TIAM2: variants seen among roughly 807,000 people sequenced by gnomAD.
TIAM2 encodes TIAM Rac1 associated GEF 2.
TIAM2 carries 80 observed loss-of-function variants against 152.9 expected under a neutral mutation model. The observed-to-expected ratio is 0.52, with a 90% CI of 0.44 to 0.63. TIAM2 has a LOEUF of 0.63. TIAM2 is among the 30% of genes least tolerant of loss of function. The pLI is 0.00. For synonymous variants in TIAM2, 804 were observed against 838.0 expected, an observed-to-expected ratio of 0.96 and a Z score of 0.70; for missense variants, 1,965 against 2,120.1, an observed-to-expected ratio of 0.93 and a Z score of 1.44.
intron 2 of TIAM2, among the ~76,000 whole-genome samples, chr6:155,105,471 C>T (rs9371364): frequency 0.27 from 40,627 of 151,906 alleles, 5,925 homozygotes; most frequent in South Asian, 0.43. Flanking sequence ...TTTATTTTTA[C>T]TTTTTGTAGA....
chr6:155,036,503 C>T (rs1260160324), intron 1 of TIAM2, among the ~76,000 whole-genome samples: 1 of 139,356 alleles, frequency 7.2e-6, no homozygotes, highest in Non-Finnish European at 1.5e-5. Context: ...CACTGCACTC[C>T]AGTCTCAAAA....
chr6:155,026,014 G>A (rs1002840011), intron 1 of TIAM2, among the ~76,000 whole-genome samples: 1 of 152,018 alleles, frequency 6.6e-6, no homozygotes, highest in African/African-American at 2.4e-5. Context: ...AAATAGAATG[G>A]GCTTCTTGAA....
intron 2 of TIAM2, among the ~76,000 whole-genome samples, chr6:155,126,986 C>T (rs952550049): frequency 1.3e-5 from 2 of 152,112 alleles, no homozygotes; most frequent in African/African-American, 4.8e-5. Context: ...ACCTCTTGCC[C>T]CTGCTAACAT....
intron 15 of TIAM2, among the ~76,000 whole-genome samples, chr6:155,216,168 G>A (rs1291961461): frequency 2.0e-5 from 3 of 152,072 alleles, no homozygotes; most frequent in Admixed American, 2.0e-4. Context: ...GTGTGTGCTG[G>A]GAGTGGATTT....
At chr6:155,015,872 G>A (rs1360511698) in intron 1 of TIAM2, among the ~76,000 whole-genome samples, 1 of 150,256 alleles carries the variant, frequency 6.7e-6, no homozygotes, top group African/African-American at 2.4e-5. Flanking sequence ...AGGAGGCGGG[G>A]GTTGCAGTGA....
intron 1 of TIAM2, among the ~76,000 whole-genome samples, chr6:155,064,262 G>T (rs1413795564): frequency 6.6e-6 from 1 of 152,128 alleles, no homozygotes; most frequent in Non-Finnish European, 1.5e-5. Flanking sequence ...TTGTTGGTGA[G>T]CATTAGAATA....
intron 21 of TIAM2, 180 bp from the exon 22 acceptor site, chr6:155,250,733 G>A: frequency 2.2e-5 from 25 of 1,152,826 alleles, no homozygotes; most frequent in Non-Finnish European, 2.9e-5. Context: ...CAGACACTTG[G>A]GTGCTTAACT....
chr6:155,183,150 G>A, intron 13 of TIAM2, 87 bp from the exon 14 acceptor site: 1 of 1,514,842 alleles, frequency 6.6e-7, no homozygotes, highest in Non-Finnish European at 8.9e-7. Flanking sequence ...CGAGTACATG[G>A]TTTGAGTTTG....
At chr6:155,128,231 C>G (rs1383706995) in intron 3 of TIAM2, among the ~76,000 whole-genome samples, 1 of 152,154 alleles carries the variant, frequency 6.6e-6, no homozygotes, top group Non-Finnish European at 1.5e-5. Flanking sequence ...TACCTGAAGT[C>G]TTTACAAAAG....
intron 15 of TIAM2, among the ~76,000 whole-genome samples, chr6:155,212,999 G>A (rs10457911): frequency 0.15 from 23,075 of 152,148 alleles, 1,947 homozygotes; most frequent in East Asian, 0.34. Context: ...GCCAGGAACC[G>A]CTGAGCCCCA....
chr6:155,235,721 T>G (rs1782718511), intron 15 of TIAM2, among the ~76,000 whole-genome samples: 1 of 152,230 alleles, frequency 6.6e-6, no homozygotes, highest in Non-Finnish European at 1.5e-5. Context: ...ACTTGAACAC[T>G]TAATTGTGGT....
intron 5 of TIAM2, among the ~76,000 whole-genome samples, chr6:155,141,415 A>ACG (rs889873259): frequency 2.0e-5 from 3 of 152,030 alleles, no homozygotes; most frequent in Admixed American, 6.6e-5. Context: ...ACACACACAC[A>ACG]CACTCTTAAG....
chr6:155,215,542 T>A (rs892359049), intron 15 of TIAM2, among the ~76,000 whole-genome samples: 17 of 152,338 alleles, frequency 1.1e-4, no homozygotes, highest in Middle Eastern at 3.4e-3. Context: ...GTGCATTTTT[T>A]AAAATCTTTG....
chr6:155,012,908 A>G (rs1778513549), intron 1 of TIAM2, among the ~76,000 whole-genome samples: 1 of 152,252 alleles, frequency 6.6e-6, no homozygotes, highest in South Asian at 2.1e-4. Context: ...ACAATGTAGC[A>G]TTAGAATCAT....
intron 1 of TIAM2, among the ~76,000 whole-genome samples, chr6:155,088,014 A>G (rs746856991): frequency 2.0e-4 from 29 of 148,070 alleles, no homozygotes; most frequent in Non-Finnish European, 3.0e-4. Flanking sequence ...TCTTTTTAGT[A>G]TGCCAGGTTG....
At chr6:155,187,825 G>A (rs932285702) in intron 14 of TIAM2, among the ~76,000 whole-genome samples, 10 of 151,912 alleles carry the variant, frequency 6.6e-5, no homozygotes, top group African/African-American at 2.4e-5. Flanking sequence ...TGATCTGCCC[G>A]CCTCGACCTC....
chr6:155,035,421 A>G (rs117283741), intron 1 of TIAM2, among the ~76,000 whole-genome samples: 2,128 of 152,128 alleles, frequency 0.014, 35 homozygotes, highest in East Asian at 0.057. Context: ...GGGTTTTGCT[A>G]TGTTGATCAG....
chr6:155,103,868 A>G (rs1778604802), intron 2 of TIAM2, among the ~76,000 whole-genome samples: 1 of 151,076 alleles, frequency 6.6e-6, no homozygotes, highest in Non-Finnish European at 1.5e-5. Context: ...TTCCCTTTGT[A>G]TCACAGAGTC....
chr6:155,198,083 G>A (rs996242126), intron 14 of TIAM2, among the ~76,000 whole-genome samples: 2 of 152,206 alleles, frequency 1.3e-5, no homozygotes, highest in Admixed American at 6.5e-5. Flanking sequence ...TTTTACAATT[G>A]TAGTCTGTGA....
Sources: gnomAD v4.1 joint callset for allele counts (sites outside exome capture counted in the v4.1 genomes callset) on GRCh38, gnomAD v4.1.1 for gene constraint, MANE v1.5 for transcripts, NCBI Gene and HGNC (gene_info 2026-07-23, HGNC 2026-07-21) for gene names.